Variants in MRPL34 observed in about 807,000 individuals in gnomAD.
MRPL34 encodes the protein mitochondrial ribosomal protein L34.
Under a neutral mutation model 6.7 loss-of-function variants are expected in MRPL34, and 8 were observed. That is an observed-to-expected ratio of 1.20 (90% CI 0.70 to 2.16). The LOEUF is 2.16. Ranked by LOEUF, MRPL34 falls within the 30% of genes most tolerant of loss-of-function variation. The probability of loss-of-function intolerance (pLI) is 0.00; values close to 1 mark genes in which losing one functional copy is unlikely to be tolerated. For synonymous variants in MRPL34, 59 were observed against 55.1 expected (o/e 1.07, Z -0.31); for missense variants, 146 against 125.5 (o/e 1.16, Z -0.78).
chr19:17,303,962 G>GC (rs371005346), upstream of MRPL34, among the ~76,000 whole-genome samples: 1,632 of 141,920 alleles, frequency 0.011, 28 homozygotes, highest in African/African-American at 0.041. Context: ...TCCCCCCTAC[G>GC]CCCCCCCCTT....
chr19:17,299,331 G>C (rs894607175), upstream of MRPL34, among the ~76,000 whole-genome samples: 5 of 151,652 alleles, frequency 3.3e-5, no homozygotes, highest in African/African-American at 9.7e-5. Context: ...GGAGGCCGAG[G>C]AGGGCGAATC....
chr19:17,303,716 C>T (rs910428812), upstream of MRPL34, among the ~76,000 whole-genome samples: 2 of 151,952 alleles, frequency 1.3e-5, no homozygotes, highest in South Asian at 2.1e-4. Context: ...AAGCCCTTGC[C>T]CCCCAGCCCC....
chr19:17,303,278 G>A (rs550137848), upstream of MRPL34: 316 of 152,402 alleles, frequency 2.1e-3, 1 homozygote, highest in Non-Finnish European at 2.9e-3. Flanking sequence ...CGGGGCGGAG[G>A]GGTCCCAGGC....
chr19:17,300,953 C>T, upstream of MRPL34: 1 of 1,613,488 alleles, frequency 6.2e-7, no homozygotes, highest in Non-Finnish European at 8.5e-7. Flanking sequence ...TAGGCTGCGG[C>T]CACCTGGGGC....
chr19:17,294,568 G>T, intron 1 of MRPL34: 1 of 1,609,600 alleles, frequency 6.2e-7, no homozygotes, highest in Non-Finnish European at 8.5e-7. Flanking sequence ...GGGTGCCCCC[G>T]ATGCCAGCCC....
upstream of MRPL34, among the ~76,000 whole-genome samples, chr19:17,298,763 CAG>C (rs2074104107): frequency 1.3e-5 from 1 of 75,696 alleles, no homozygotes; most frequent in Non-Finnish European, 2.5e-5. Context: ...TTTTTTTGGG[CAG>C]AGTCTCACTC....
upstream of MRPL34, among the ~76,000 whole-genome samples, chr19:17,300,060 A>C (rs553147752): frequency 6.6e-6 from 1 of 151,288 alleles, no homozygotes; most frequent in South Asian, 2.1e-4. Flanking sequence ...GCCCACCACC[A>C]CACCCAGCTA....
chr19:17,301,145 T>C, upstream of MRPL34: 1 of 1,612,320 alleles, frequency 6.2e-7, no homozygotes, highest in Non-Finnish European at 8.5e-7. Flanking sequence ...TCAATATGGA[T>C]GGTCCTCTTG....
rs1345142473 is a variant in MRPL34, at chr19:17,294,827, G to C, written c.214+1973G>C. On this transcript the variant is annotated intron_variant, in intron 1 of 2. Transcript: ENST00000595444. ...CTAGGTCTGGGTACTCATGTGCCAG[G>C]AATGTGCAGAAAGAGACACTGCCCG... 19 of 1,613,978 alleles carry C rather than the reference G, an allele frequency of 1.2e-5. No homozygotes were observed. The highest frequency in any genetic ancestry group is 1.6e-5 in the Non-Finnish European group (19 of 1,179,972).
chr19:17,305,685 T>A, upstream of MRPL34: 2 of 615,974 alleles, frequency 3.2e-6, no homozygotes, highest in South Asian at 1.8e-5. Context: ...CCTGTTGGTG[T>A]GTATGCAGAG....
rs199688783 is a variant in MRPL34, at chr19:17,306,319, G to T, written c.219G>T (p.Pro73=). Reference sequence around the variant, plus strand: ...GCTGGGTCCGGCGCCTGAGCACGCCGGCCGGCGTGCAGGTCATCCTTCGCC... The same window carrying T: ...GCTGGGTCCGGCGCCTGAGCACGCCTGCCGGCGTGCAGGTCATCCTTCGCC... ...KHGWVRRLST[P]AGVQVILRRM... is the part of the protein sequence containing the mutation. The change falls in exon 2 of 2, where the codon CCG becomes CCT. Residue 73 remains proline, a synonymous_variant. Coordinates refer to ENST00000252602, the MANE Select transcript of MRPL34 (RefSeq NM_023937.4). 5.6e-6 allele frequency: 9 copies of T among 1,610,210 alleles called. No individual in the cohort carries two copies. Among genetic ancestry groups the T allele is most frequent in the Admixed American group, 1.7e-5 (1 of 59,738 alleles).
At chr19:17,292,842 C>A in exon 1 of MRPL34, 2 of 1,609,298 alleles carry the variant, frequency 1.2e-6, no homozygotes, top group South Asian at 1.1e-5. Context: ...CTGCAGAAGA[C>A]GCAGGGCTCA....
intron 1 of MRPL34, among the ~76,000 whole-genome samples, chr19:17,295,760 T>C (rs1025197926): frequency 4.6e-5 from 7 of 152,192 alleles, no homozygotes; most frequent in African/African-American, 1.7e-4. Context: ...GCTGGAGTGG[T>C]GCGGTGGCGT....
At chr19:17,300,500 C>CA (rs1018697483), upstream of MRPL34, among the ~76,000 whole-genome samples, 3 of 151,962 alleles carry the variant, frequency 2.0e-5, no homozygotes, top group African/African-American at 7.3e-5. Context: ...AGTGGCATCT[C>CA]AGAGTCTCCC....
At chr19:17,301,776 T>G (rs942045672), upstream of MRPL34, among the ~76,000 whole-genome samples, 17 of 147,462 alleles carry the variant, frequency 1.2e-4, no homozygotes, top group Admixed American at 3.4e-4. Context: ...ATTTTTTTGT[T>G]TGTGTGTGTG....
intron 1 of MRPL34, among the ~76,000 whole-genome samples, chr19:17,295,437 C>G (rs146480234): frequency 0.012 from 1,854 of 150,698 alleles, 31 homozygotes; most frequent in African/African-American, 0.044. Context: ...GATGGAGTCT[C>G]ATTCTGTTGC....
upstream of MRPL34, among the ~76,000 whole-genome samples, chr19:17,301,776 T>TTG (rs10679164): frequency 0.044 from 6,527 of 147,304 alleles, 139 homozygotes; most frequent in South Asian, 0.062. Context: ...ATTTTTTTGT[T>TTG]TGTGTGTGTG....
At chr19:17,294,206 C>T in intron 1 of MRPL34, 1 of 1,492,296 alleles carries the variant, frequency 6.7e-7, no homozygotes. Flanking sequence ...CAAGCGCTAC[C>T]ACGCCCCCCG....
At chr19:17,305,659 C>G, upstream of MRPL34, 1 of 577,318 alleles carries the variant, frequency 1.7e-6, no homozygotes, top group South Asian at 2.0e-5. Context: ...GCTCAGAAGG[C>G]GCCGTTCGCC....
Sources: allele counts gnomAD v4.1 joint callset (sites outside exome capture counted in the v4.1 genomes callset), GRCh38; gene constraint gnomAD v4.1.1; transcripts MANE v1.5; gene names NCBI Gene and HGNC (gene_info 2026-07-23, HGNC 2026-07-21).